Variants in RPS6KC1 observed in about 807,000 individuals in gnomAD.
The protein encoded by RPS6KC1 is inactive ribosomal protein S6 kinase delta-1.
In RPS6KC1, 54 loss-of-function variants were observed where a neutral mutation model predicts 103.8. The observed-to-expected ratio is 0.52, with a 90% CI of 0.42 to 0.65. The LOEUF is 0.65. Among genes scored for constraint, RPS6KC1 ranks in the 30% least tolerant of loss-of-function variants. The pLI is 0.00. For missense variants in RPS6KC1, 1,151 were observed against 1,253.8 expected (o/e 0.92, Z 1.24); for synonymous variants, 439 against 438.7 (o/e 1.00, Z -0.01).
intron 6 of RPS6KC1, among the ~76,000 whole-genome samples, chr1:213,137,799 AT>A (rs869154560): frequency 3.1e-3 from 43 of 13,958 alleles, no homozygotes; most frequent in African/African-American, 5.6e-3. Flanking sequence ...ATATATATAT[AT>A]TTTTTTTTTT....
chr1:213,657,642 A>C, the RPS6KC1 span, among the ~76,000 whole-genome samples: 1 of 152,330 alleles, frequency 6.6e-6, no homozygotes, highest in East Asian at 1.9e-4. Flanking sequence ...TCCAGGCAGA[A>C]CGTATACAAA....
intron 5 of RPS6KC1, among the ~76,000 whole-genome samples, chr1:213,118,426 A>G (rs549242973): frequency 1.4e-4 from 22 of 152,290 alleles, no homozygotes; most frequent in African/African-American, 5.3e-4. Context: ...AATAAACTAA[A>G]TAATATTGCT....
At chr1:213,771,047 CT>C in the RPS6KC1 span, among the ~76,000 whole-genome samples, 5 of 152,150 alleles carry the variant, frequency 3.3e-5, no homozygotes, top group Non-Finnish European at 5.9e-5. Flanking sequence ...TCTTTTGTTC[CT>C]TCCTGTTTCT....
chr1:213,120,248 C>A (rs2084230584), intron 5 of RPS6KC1, among the ~76,000 whole-genome samples: 1 of 152,100 alleles, frequency 6.6e-6, no homozygotes, highest in South Asian at 2.1e-4. Flanking sequence ...GAATGAAAAC[C>A]ATGGAACTGG....
At chr1:213,580,259 G>T in the RPS6KC1 span, among the ~76,000 whole-genome samples, 1 of 152,084 alleles carries the variant, frequency 6.6e-6, no homozygotes, top group African/African-American at 2.4e-5. Context: ...CAAGACTTCA[G>T]TGGAGGAAGT....
chr1:213,450,276 G>T, the RPS6KC1 span, among the ~76,000 whole-genome samples: 1 of 150,138 alleles, frequency 6.7e-6, no homozygotes, highest in Non-Finnish European at 1.5e-5. Context: ...GCTTGCGATT[G>T]TATTTTCTCA....
At chr1:213,263,220 T>C (rs930093698) in intron 14 of RPS6KC1, among the ~76,000 whole-genome samples, 1 of 152,222 alleles carries the variant, frequency 6.6e-6, no homozygotes, top group Non-Finnish European at 1.5e-5. Context: ...ATAAAGCTAC[T>C]CAGGTTGCTT....
At chr1:213,541,348 T>C in the RPS6KC1 span, among the ~76,000 whole-genome samples, 1 of 151,744 alleles carries the variant, frequency 6.6e-6, no homozygotes, top group Admixed American at 6.6e-5. Context: ...AATGAAAGTG[T>C]TTGACATATT....
At chr1:213,060,689 T>G (rs1408823015) in intron 1 of RPS6KC1, among the ~76,000 whole-genome samples, 1 of 152,234 alleles carries the variant, frequency 6.6e-6, no homozygotes, top group African/African-American at 2.4e-5. Context: ...GGATTTTGAT[T>G]TTCCTTGAAC....
chr1:213,625,168 T>G, the RPS6KC1 span, among the ~76,000 whole-genome samples: 1 of 152,016 alleles, frequency 6.6e-6, no homozygotes, highest in South Asian at 2.1e-4. Flanking sequence ...GTTATTTATT[T>G]TTAAAACACA....
the RPS6KC1 span, among the ~76,000 whole-genome samples, chr1:213,673,619 T>G: frequency 7.2e-5 from 11 of 152,194 alleles, no homozygotes; most frequent in South Asian, 1.9e-3. Context: ...CAAGACCAGA[T>G]ATAGGGCCTC....
At chr1:213,599,566 T>C in the RPS6KC1 span, among the ~76,000 whole-genome samples, 1 of 152,242 alleles carries the variant, frequency 6.6e-6, no homozygotes, top group Admixed American at 6.5e-5. Context: ...TTGTGTTGCT[T>C]TGGCTGCAAT....
chr1:213,076,010 T>A (rs1450738035), intron 2 of RPS6KC1, among the ~76,000 whole-genome samples: 3 of 152,212 alleles, frequency 2.0e-5, no homozygotes, highest in Non-Finnish European at 4.4e-5. Flanking sequence ...TATGATGATG[T>A]TGTCTTGTGA....
At chr1:213,484,138 C>T in the RPS6KC1 span, among the ~76,000 whole-genome samples, 2 of 95,486 alleles carry the variant, frequency 2.1e-5, no homozygotes, top group East Asian at 4.3e-4. Flanking sequence ...AGGAAGACAA[C>T]CCATGATATA....
intron 8 of RPS6KC1, among the ~76,000 whole-genome samples, chr1:213,178,958 G>A (rs1037091692): frequency 4.6e-5 from 7 of 152,008 alleles, no homozygotes; most frequent in African/African-American, 1.7e-4. Context: ...GACCTCAGAT[G>A]ATCCACTCGC....
the RPS6KC1 span, among the ~76,000 whole-genome samples, chr1:213,372,824 G>A: frequency 6.6e-6 from 1 of 151,724 alleles, no homozygotes; most frequent in Non-Finnish European, 1.5e-5. Flanking sequence ...ACACACACAT[G>A]CACACACAAT....
chr1:213,195,077 G>A (rs571590366), intron 8 of RPS6KC1, among the ~76,000 whole-genome samples: 5 of 152,248 alleles, frequency 3.3e-5, no homozygotes, highest in Admixed American at 2.6e-4. Flanking sequence ...AGAGGTTTGT[G>A]GTGATGCAAC....
chr1:213,589,208 A>G, the RPS6KC1 span, among the ~76,000 whole-genome samples: 1 of 152,184 alleles, frequency 6.6e-6, no homozygotes. Flanking sequence ...CCAAAGGGAA[A>G]TTTGTCATTA....
the RPS6KC1 span, among the ~76,000 whole-genome samples, chr1:213,341,791 G>A: frequency 6.6e-6 from 1 of 152,188 alleles, no homozygotes; most frequent in Non-Finnish European, 1.5e-5. Context: ...AGGTCACATA[G>A]CTAGTAAGAA....
Sources: gnomAD v4.1 joint callset for allele counts (sites outside exome capture counted in the v4.1 genomes callset) on GRCh38, gnomAD v4.1.1 for gene constraint, MANE v1.5 for transcripts, NCBI Gene and HGNC (gene_info 2026-07-23, HGNC 2026-07-21) for gene names.